The following RBFOX1 variants were observed in gnomAD, a reference collection of about 807,000 sequenced individuals.
RBFOX1 encodes RNA binding protein fox-1 homolog 1.
Under a neutral mutation model 57.7 loss-of-function variants are expected in RBFOX1, and 8 were observed. That is an observed-to-expected ratio of 0.14 (90% CI 0.08 to 0.25). RBFOX1 has a LOEUF of 0.25. Ranked by LOEUF, RBFOX1 falls within the 10% of genes least tolerant of loss-of-function variation. RBFOX1 has a pLI of 1.00. For missense variants in RBFOX1, 611 were observed against 548.5 expected (o/e 1.11, Z -1.14); for synonymous variants, 326 against 222.4 (o/e 1.47, Z -4.15).
intron 3 of RBFOX1, among the ~76,000 whole-genome samples, chr16:5,671,063 G>A (rs1416311280): frequency 6.6e-6 from 1 of 152,228 alleles, no homozygotes; most frequent in Non-Finnish European, 1.5e-5. Context: ...CAAATGCTGG[G>A]TGCTCTCAGC....
chr16:6,455,222 G>A (rs913784511), intron 2 of RBFOX1, among the ~76,000 whole-genome samples: 1 of 151,966 alleles, frequency 6.6e-6, no homozygotes, highest in African/African-American at 2.4e-5. Flanking sequence ...CCCTATTTTA[G>A]AAGAGGAAGA....
intron 4 of RBFOX1, among the ~76,000 whole-genome samples, chr16:7,143,309 A>G (rs1321439203): frequency 6.6e-6 from 1 of 152,036 alleles, no homozygotes; most frequent in Non-Finnish European, 1.5e-5. Flanking sequence ...GCCCTCCTCC[A>G]CCGCATTCCC....
intron 3 of RBFOX1, among the ~76,000 whole-genome samples, chr16:6,865,282 C>G (rs1027736285): frequency 6.6e-6 from 1 of 151,986 alleles, no homozygotes; most frequent in African/African-American, 2.4e-5. Flanking sequence ...GGATTACAGA[C>G]GTGAGCCACC....
chr16:6,056,691 T>A (rs1172700177), intron 1 of RBFOX1, among the ~76,000 whole-genome samples: 13 of 152,194 alleles, frequency 8.5e-5, no homozygotes, highest in Admixed American at 8.5e-4. Flanking sequence ...AGTTTACAGT[T>A]CTTAGTTGTG....
At chr16:5,566,066 C>G (rs942801529) in intron 2 of RBFOX1, among the ~76,000 whole-genome samples, 1 of 152,122 alleles carries the variant, frequency 6.6e-6, no homozygotes, top group African/African-American at 2.4e-5. Context: ...ATGTGACTTT[C>G]GCCTTTCGCC....
At chr16:7,019,882 C>A (rs1173343043) in intron 3 of RBFOX1, among the ~76,000 whole-genome samples, 1 of 152,174 alleles carries the variant, frequency 6.6e-6, no homozygotes, top group Non-Finnish European at 1.5e-5. Flanking sequence ...GACATTTTTG[C>A]GTGTGTTCCA....
At chr16:5,661,489 T>C (rs940027829) in intron 3 of RBFOX1, among the ~76,000 whole-genome samples, 1 of 152,234 alleles carries the variant, frequency 6.6e-6, no homozygotes, top group African/African-American at 2.4e-5. Flanking sequence ...CCAGTAGATA[T>C]CCAGATTTTC....
intron 2 of RBFOX1, among the ~76,000 whole-genome samples, chr16:6,600,809 G>GA (rs987462256): frequency 1.3e-4 from 20 of 151,424 alleles, no homozygotes; most frequent in African/African-American, 4.1e-4. Flanking sequence ...GTCAATGTAA[G>GA]AAAAAAAAGA....
chr16:5,370,573 G>A (rs965965720), intron 1 of RBFOX1, among the ~76,000 whole-genome samples: 2 of 151,682 alleles, frequency 1.3e-5, no homozygotes, highest in Admixed American at 6.6e-5. Flanking sequence ...GCTCAGCGTA[G>A]CCTCTAATTC....
At chr16:5,407,777 G>T (rs1391372529) in intron 1 of RBFOX1, among the ~76,000 whole-genome samples, 1 of 152,166 alleles carries the variant, frequency 6.6e-6, no homozygotes, top group Non-Finnish European at 1.5e-5. Flanking sequence ...TCGAACTCCT[G>T]ACCTCAAACG....
upstream of RBFOX1, among the ~76,000 whole-genome samples, chr16:6,015,481 A>C (rs1345887): frequency 0.13 from 19,555 of 152,186 alleles, 1,372 homozygotes; most frequent in Admixed American, 0.16. Context: ...TGGTAAAGCA[A>C]ATACGCCTTA....
chr16:6,963,598 A>G (rs939687482), intron 3 of RBFOX1, among the ~76,000 whole-genome samples: 2 of 152,182 alleles, frequency 1.3e-5, no homozygotes, highest in African/African-American at 4.8e-5. Flanking sequence ...CCATCCTAGA[A>G]AAGCAAAACT....
rs7188992 is a variant in RBFOX1, at chr16:6,806,009, G to C, written c.-16+151359G>C. Among the ~76,000 whole-genome samples the C allele has an allele frequency of 6.8e-3, 1,040 of 152,218 alleles. 14 individuals are homozygous for C. Among genetic ancestry groups the C allele is most frequent in the African/African-American group, 0.023 (943 of 41,514 alleles). ...TGAGGTGAGAAGGGGAAAAACTGTG[G>C]GTATTCATACTCAAAATATTTGCTA... On this transcript the variant is annotated intron_variant, in intron 3 of 15. Transcript: ENST00000550418.
In RBFOX1 at chr16:5,950,917, A is replaced by G. The variant is rs933450660; in HGVS notation, c.351+83582A>G. ...GGGAGGGGCATCCAACCCAGGCCAG[A>G]GAGGATAAGAGACCTACCCAAAGTT... is the stretch of plus-strand genomic sequence containing the variant. On this transcript the variant is annotated intron_variant, in intron 4 of 19. Coordinates refer to the RBFOX1 transcript ENST00000641259. 2.0e-5 allele frequency among the ~76,000 whole-genome samples: 3 copies of G among 152,148 alleles called. No homozygotes were observed. The South Asian group carries it at 6.2e-4, about 32-fold the overall frequency.
chr16:6,957,171 A>G (rs947570296), intron 3 of RBFOX1, among the ~76,000 whole-genome samples: 27 of 138,766 alleles, frequency 1.9e-4, no homozygotes, highest in African/African-American at 6.8e-4. Context: ...TTGCTCTGTC[A>G]CCCAGGCTGC....
chr16:6,842,094 G>C (rs1381113511), intron 3 of RBFOX1, among the ~76,000 whole-genome samples: 3 of 151,756 alleles, frequency 2.0e-5, no homozygotes, highest in African/African-American at 7.3e-5. Flanking sequence ...AGTGAGCGGA[G>C]ATCGCGCCAC....
chr16:6,257,086 T>G (rs778874762), intron 1 of RBFOX1, among the ~76,000 whole-genome samples: 1 of 152,160 alleles, frequency 6.6e-6, no homozygotes, highest in Non-Finnish European at 1.5e-5. Flanking sequence ...ATTTATTGAA[T>G]GATTTGGTTA....
At chr16:7,062,893 A>ATTTTTTTTTTTTTTTTTT (rs1170936027) in intron 4 of RBFOX1, among the ~76,000 whole-genome samples, 16 of 47,302 alleles carry the variant, frequency 3.4e-4, no homozygotes, top group African/African-American at 6.4e-4. Context: ...AATGATCGCC[A>ATTTTTTTTTTTTTTTTTT]TTTTTTTTTT....
intron 11 of RBFOX1, among the ~76,000 whole-genome samples, chr16:7,636,344 C>T (rs1313890879): frequency 1.3e-5 from 2 of 152,202 alleles, no homozygotes; most frequent in Non-Finnish European, 2.9e-5. Flanking sequence ...TTAATGATCA[C>T]CGTCTTTCAC....
Sources: gnomAD v4.1 joint callset for allele counts (sites outside exome capture counted in the v4.1 genomes callset) on GRCh38, gnomAD v4.1.1 for gene constraint, MANE v1.5 for transcripts, NCBI Gene and HGNC (gene_info 2026-07-23, HGNC 2026-07-21) for gene names.